The following MAPK10 variants were observed in gnomAD, a reference collection of about 807,000 sequenced individuals.
MAPK10 encodes the protein mitogen-activated protein kinase 10.
In MAPK10, 25 loss-of-function variants were observed where a neutral mutation model predicts 59.3. The ratio of observed to expected loss-of-function variants is 0.42; its 90% CI spans 0.31 to 0.59. The LOEUF is 0.59. Ranked by LOEUF, MAPK10 falls within the 20% of genes least tolerant of loss-of-function variation. The pLI is 0.15. For synonymous variants in MAPK10, 190 were observed against 200.5 expected (o/e 0.95, Z 0.44); for missense variants, 351 against 568.9 (o/e 0.62, Z 3.90).
chr4:86,558,110 A>G (rs1211878794), intron 1 of MAPK10, among the ~76,000 whole-genome samples: 1 of 152,066 alleles, frequency 6.6e-6, no homozygotes, highest in East Asian at 1.9e-4. Flanking sequence ...AAAAATACAT[A>G]TTTTCAATTT....
At chr4:86,476,600 C>G (rs1348726939) in intron 1 of MAPK10, among the ~76,000 whole-genome samples, 2 of 152,120 alleles carry the variant, frequency 1.3e-5, no homozygotes, top group African/African-American at 4.8e-5. Flanking sequence ...ATTTTATTAC[C>G]CAATCTGTTC....
At chr4:86,320,070 C>T (rs755707659) in intron 2 of MAPK10, among the ~76,000 whole-genome samples, 37 of 152,270 alleles carry the variant, frequency 2.4e-4, no homozygotes, top group Non-Finnish European at 3.7e-4. Context: ...TCAAGAGCAA[C>T]GGTGGTATTG....
chr4:86,114,663 C>T (rs1195292281), intron 4 of MAPK10, among the ~76,000 whole-genome samples: 1 of 152,238 alleles, frequency 6.6e-6, no homozygotes, highest in African/African-American at 2.4e-5. Flanking sequence ...TCAGGAGGCA[C>T]AGGATCAGGG....
intron 13 of MAPK10, among the ~76,000 whole-genome samples, chr4:86,018,619 C>T (rs1014098190): frequency 2.6e-5 from 4 of 152,258 alleles, no homozygotes; most frequent in Admixed American, 6.5e-5. Flanking sequence ...AGGCATTGTG[C>T]GATACAATTA....
At chr4:86,188,962 T>C (rs1307064819) in intron 3 of MAPK10, among the ~76,000 whole-genome samples, 1 of 152,238 alleles carries the variant, frequency 6.6e-6, no homozygotes, top group African/African-American at 2.4e-5. Context: ...GTTTCAGTTT[T>C]CTGCATATGG....
intron 2 of MAPK10, among the ~76,000 whole-genome samples, chr4:86,208,340 A>G (rs575743521): frequency 6.7e-6 from 1 of 149,640 alleles, no homozygotes; most frequent in East Asian, 1.9e-4. Flanking sequence ...AAAATACTCA[A>G]TAAAATACTG....
rs1028386191 is a variant in MAPK10 at position 86,576,786 on chromosome 4, A to C, written c.-263+17124T>G. Among the ~76,000 whole-genome samples the C allele has an allele frequency of 5.0e-3, 709 of 141,010 alleles. 5 individuals carry two copies. Among genetic ancestry groups the C allele is most frequent in the African/African-American group, 0.018 (673 of 38,390 alleles). 92.5% of individuals were successfully genotyped at this position (141,010 alleles called of 152,430 possible). A position where few individuals can be genotyped will look rare whatever the true frequency, so the allele number is the denominator to read the frequency against. ...CGAGACTCCGTCCCAAAAAAAAAAA[A>C]CAAAAAACCTATAATTGGTTAATTA... On this transcript the variant is annotated intron_variant, in intron 1 of 4. Coordinates refer to the MAPK10 transcript ENST00000502302.
intron 2 of MAPK10, among the ~76,000 whole-genome samples, chr4:86,287,453 G>A (rs1370292176): frequency 6.6e-6 from 1 of 152,094 alleles, no homozygotes; most frequent in East Asian, 1.9e-4. Flanking sequence ...TCTGTATGGT[G>A]ATCTTAAGAA....
At chr4:86,256,734 C>CTTTTTTTTTTTTTTTTTTTTTTTT (rs767737802) in intron 2 of MAPK10, among the ~76,000 whole-genome samples, 7 of 59,636 alleles carry the variant, frequency 1.2e-4, no homozygotes, top group South Asian at 5.2e-4. Flanking sequence ...TTCTTTCTTT[C>CTTTTTTTTTTTTTTTTTTTTTTTT]TTTTTTTTTT....
chr4:86,229,986 A>G (rs796769431), intron 2 of MAPK10, among the ~76,000 whole-genome samples: 5 of 152,168 alleles, frequency 3.3e-5, no homozygotes, highest in Admixed American at 2.0e-4. Flanking sequence ...GCTTGAGCCC[A>G]TGAGGTCGAG....
intron 9 of MAPK10, among the ~76,000 whole-genome samples, chr4:86,097,011 G>A (rs77591029): frequency 0.013 from 1,959 of 151,844 alleles, 52 homozygotes; most frequent in African/African-American, 0.045. Flanking sequence ...AATCATATAC[G>A]TAGTTTTAAG....
intron 1 of MAPK10, among the ~76,000 whole-genome samples, chr4:86,437,112 G>A (rs1748846750): frequency 6.6e-6 from 1 of 151,770 alleles, no homozygotes; most frequent in Admixed American, 6.6e-5. Flanking sequence ...TACTCGGGAG[G>A]CTGAGGCAGG....
rs980852087 is a variant in MAPK10 at position 86,015,773 on chromosome 4, A to G, written c.*1455T>C. 1 of 152,202 alleles carries G rather than the reference A, an allele frequency of 6.6e-6. No individual in the cohort carries two copies. Among genetic ancestry groups the G allele is most frequent in the Non-Finnish European group, 1.5e-5 (1 of 68,044 alleles). The allele number at this position is 152,202 out of a possible 1,614,324, so 9.4% of individuals were successfully genotyped here. On this transcript the variant is annotated 3_prime_UTR_variant, in exon 14 of 14. Coordinates refer to ENST00000641462, the MANE Select transcript of MAPK10 (RefSeq NM_138982.4). ...ATTGCTCTTACATCTACTGCAGTACAAAACTCAGATGATCAGCCCTTCGAT... is the reference window on the plus strand; with the variant it reads ...ATTGCTCTTACATCTACTGCAGTACGAAACTCAGATGATCAGCCCTTCGAT...
chr4:86,561,408 T>C (rs749991002), intron 1 of MAPK10, among the ~76,000 whole-genome samples: 77 of 152,346 alleles, frequency 5.1e-4, no homozygotes, highest in Admixed American at 3.9e-4. Context: ...TAGTCCAGAC[T>C]CTCATGTGTT....
intron 1 of MAPK10, among the ~76,000 whole-genome samples, chr4:86,593,116 C>T (rs1455685444): frequency 6.6e-6 from 1 of 152,172 alleles, no homozygotes; most frequent in African/African-American, 2.4e-5. Context: ...AATGAAAACT[C>T]AAGTGCTCGC....
intron 1 of MAPK10, among the ~76,000 whole-genome samples, chr4:86,444,202 A>T (rs1749749806): frequency 6.6e-6 from 1 of 152,184 alleles, no homozygotes; most frequent in Non-Finnish European, 1.5e-5. Context: ...AATTAATGTC[A>T]GACACCAAAC....
intron 1 of MAPK10, among the ~76,000 whole-genome samples, chr4:86,417,324 T>C (rs1036317007): frequency 1.3e-5 from 2 of 152,200 alleles, no homozygotes; most frequent in Non-Finnish European, 2.9e-5. Context: ...AGTTTTTTTA[T>C]TGATATTGTT....
chr4:86,217,834 A>T (rs1032088461), intron 2 of MAPK10, among the ~76,000 whole-genome samples: 2 of 152,122 alleles, frequency 1.3e-5, no homozygotes, highest in African/African-American at 4.8e-5. Context: ...TTGATAGATC[A>T]GTAAATAACA....
intron 3 of MAPK10, among the ~76,000 whole-genome samples, chr4:86,184,660 C>A (rs1429207843): frequency 2.6e-5 from 4 of 152,100 alleles, no homozygotes; most frequent in African/African-American, 4.8e-5. Context: ...CTTATGAGAT[C>A]TGGTTGCTTA....
Sources: allele counts gnomAD v4.1 joint callset (sites outside exome capture counted in the v4.1 genomes callset), GRCh38; gene constraint gnomAD v4.1.1; transcripts MANE v1.5; gene names NCBI Gene and HGNC (gene_info 2026-07-23, HGNC 2026-07-21).